Variants in PKD1L1 observed in about 807,000 individuals in gnomAD.
The protein encoded by PKD1L1 is polycystin 1 like 1, transient receptor potential channel interacting.
A neutral mutation model predicts 323.4 loss-of-function variants in PKD1L1; 236 were observed. The ratio of observed to expected loss-of-function variants is 0.73; its 90% CI spans 0.66 to 0.81. The LOEUF is 0.81. Ranked by LOEUF, PKD1L1 falls within the 40% of genes least tolerant of loss-of-function variation. The pLI is 0.00. For synonymous variants in PKD1L1, 1,344 were observed against 1,335.0 expected, an observed-to-expected ratio of 1.01 and a Z score of -0.15; for missense variants, 3,320 against 3,508.0, an observed-to-expected ratio of 0.95 and a Z score of 1.35.
At chr7:47,835,452 G>C (rs1449102796) in intron 37 of PKD1L1, among the ~76,000 whole-genome samples, 1 of 152,184 alleles carries the variant, frequency 6.6e-6, no homozygotes, top group Admixed American at 6.5e-5. Context: ...CCAGCCTGGA[G>C]TGCAGTGGCA....
intron 34 of PKD1L1, 123 bp downstream of exon 34, chr7:47,842,839 T>C: frequency 1.1e-6 from 1 of 937,508 alleles, no homozygotes; most frequent in South Asian, 1.7e-5. Context: ...AAGCTTTGCC[T>C]CAGCAATGAG....
Position 47,907,730 on chromosome 7 carries a change from G to C in PKD1L1, c.1402+347C>G, listed in dbSNP as rs377164863. Among the ~76,000 whole-genome samples, 8 of 152,242 alleles carry C rather than the reference G, an allele frequency of 5.3e-5. No homozygotes were observed. In the East Asian group the frequency reaches 1.5e-3, roughly 29 times the overall value. On this transcript the variant is annotated intron_variant, in intron 9 of 56. Coordinates refer to ENST00000289672, the MANE Select transcript of PKD1L1 (RefSeq NM_138295.5). ...CCAGCTCCCACCTCAGATGTGCCCT[G>C]TCCCCACAGTTAGATAAAGTTCCTA...
chr7:47,924,709 T>C (rs886658859), intron 7 of PKD1L1, among the ~76,000 whole-genome samples: 2 of 152,230 alleles, frequency 1.3e-5, no homozygotes, highest in African/African-American at 4.8e-5. Context: ...CATAGTTATC[T>C]TGGCCTCTGC....
intron 19 of PKD1L1, 72 bp from the exon 20 acceptor site, chr7:47,882,157 A>C: frequency 6.8e-7 from 1 of 1,464,042 alleles, no homozygotes; most frequent in South Asian, 1.2e-5. Context: ...TTAGTGATTC[A>C]ATGCTGATAT....
At chr7:47,865,082 A>C (rs916309363) in intron 26 of PKD1L1, 134 bp downstream of exon 26, 2 of 693,884 alleles carry the variant, frequency 2.9e-6, no homozygotes, top group African/African-American at 3.6e-5. Flanking sequence ...ATTCAGATGA[A>C]TTCTTAAGGG....
intron 15 of PKD1L1, among the ~76,000 whole-genome samples, chr7:47,893,367 G>A (rs1562977016): frequency 6.6e-6 from 1 of 152,062 alleles, no homozygotes; most frequent in South Asian, 2.1e-4. Flanking sequence ...TAGGGACGCC[G>A]GGACTCACAG....
rs1356974042 is a variant in PKD1L1 at position 47,942,676 on chromosome 7, AC to A, written c.160+719del. On this transcript the variant is annotated intron_variant, in intron 2 of 56. Transcript: ENST00000289672. ...CTCTGTGTTAAGGACGAGGAGGAAA[AC>A]CCCACACCTGTGGCCATGCAGACAC... is the stretch of plus-strand genomic sequence containing the variant. Among the ~76,000 whole-genome samples the A allele has an allele frequency of 4.6e-5, 7 of 152,008 alleles. No individual in the cohort carries two copies. The East Asian group carries it at 1.4e-3, about 30-fold the overall frequency.
intron 30 of PKD1L1, among the ~76,000 whole-genome samples, chr7:47,854,305 C>T (rs1562959791): frequency 6.6e-6 from 1 of 152,122 alleles, no homozygotes; most frequent in African/African-American, 2.4e-5. Flanking sequence ...CACACGGGGA[C>T]TCCGAGAAGG....
At chr7:47,805,429 A>G (rs1198116351) in intron 52 of PKD1L1, among the ~76,000 whole-genome samples, 2 of 152,272 alleles carry the variant, frequency 1.3e-5, no homozygotes, top group Non-Finnish European at 2.9e-5. Flanking sequence ...GTCTCTACAG[A>G]GAATAATTTG....
chr7:47,840,472 G>A lies in PKD1L1; in HGVS notation c.5541C>T (p.Thr1847=). The A allele has an allele frequency of 6.2e-7, 1 of 1,613,014 alleles. No homozygotes were observed. The highest frequency in any genetic ancestry group is 8.5e-7 in the Non-Finnish European group (1 of 1,179,028). Residue 1847 remains threonine (T), a synonymous_variant, in exon 35 of 57, where the codon ACC becomes ACT. Transcript: ENST00000289672. The surrounding 1 kb of genome is among the most constrained non-coding windows in gnomAD (Gnocchi z 4.1). ...KPLFERNSRH[T]FILSAPAQLG... is the part of the protein sequence containing the mutation. ...ATATTTTGGAATACCTCAGGATAAA[G>A]GTGTGTCTGGAATTCCTTTCAAACA...
In PKD1L1 at chr7:47,856,710, T is replaced by G. The variant is rs1425541358; in HGVS notation, c.4590+895A>C. Among the ~76,000 whole-genome samples the G allele has an allele frequency of 2.0e-5, 3 of 152,198 alleles. No homozygotes were observed. The East Asian group carries it at 5.8e-4, about 29-fold the overall frequency. Reference sequence around the variant, plus strand: ...TGTAAGGTAAAAAAATCATTTTAATTTGTGTTTTTTATTGATTGTTAGTTT... The same window carrying G: ...TGTAAGGTAAAAAAATCATTTTAATGTGTGTTTTTTATTGATTGTTAGTTT... On this transcript the variant is annotated intron_variant, in intron 28 of 56. Transcript: ENST00000289672.
chr7:47,783,285 T>C (rs1786735855), intron 56 of PKD1L1, among the ~76,000 whole-genome samples: 1 of 152,058 alleles, frequency 6.6e-6, no homozygotes, highest in Non-Finnish European at 1.5e-5. Context: ...AATCAACATG[T>C]ACTAACATAC....
chr7:47,939,762 TC>T (rs1016148838), intron 3 of PKD1L1, among the ~76,000 whole-genome samples: 7 of 151,752 alleles, frequency 4.6e-5, no homozygotes, highest in Non-Finnish European at 7.4e-5. Context: ...TCGGGGCAGC[TC>T]CCACTCCCCA....
intron 26 of PKD1L1, among the ~76,000 whole-genome samples, chr7:47,863,157 G>C (rs1786069500): frequency 6.6e-6 from 1 of 152,156 alleles, no homozygotes; most frequent in Non-Finnish European, 1.5e-5. Context: ...AAGGACTCCG[G>C]TGACACCTGG....
rs1307298803 is a variant in PKD1L1, at chr7:47,803,240, G to C, written c.7932C>G (p.Arg2644=). The C allele has an allele frequency of 1.2e-6, 2 of 1,614,114 alleles. No individual in the cohort carries two copies. The highest frequency in any genetic ancestry group is 2.7e-5 in the African/African-American group (2 of 75,010). The change falls in exon 53 of 57, where the codon CGC becomes CGG. Residue 2644 remains arginine, a synonymous_variant. Coordinates refer to ENST00000289672, the MANE Select transcript of PKD1L1 (RefSeq NM_138295.5). ...CTACAAAGATGCTGGGGAGTGAGTG[G>C]CGCATCATGGAGGAGCAGGATGCCA... ...NTMASCSSMM[R]HSLPSIFVAG... is the part of the protein sequence containing the mutation.
chr7:47,857,729 A>G lies in PKD1L1; in HGVS notation c.4466T>C (p.Val1489Ala). 6.2e-7 allele frequency: 1 copy of G among 1,614,070 alleles called. No homozygotes were observed. Residue 1489 changes from valine (V) to alanine (A), a missense_variant, in exon 28 of 57, where the codon GTG becomes GCG. By Grantham distance (64) the Val-to-Ala change is moderately conservative (BLOSUM62 0). Transcript: ENST00000289672. Reference sequence around the variant, plus strand: ...CCCAGCAAGGTCACCAGGTAAATGCACCTGGACAGATCCCAGGCTCTGGAC... The same window carrying G: ...CCCAGCAAGGTCACCAGGTAAATGCGCCTGGACAGATCCCAGGCTCTGGAC... ...SSVQSLGSVQVHLPGDLAGHS... is the reference protein window; with the variant it reads ...SSVQSLGSVQAHLPGDLAGHS...
chr7:47,893,103 A>G (rs1786856997), intron 15 of PKD1L1, among the ~76,000 whole-genome samples: 1 of 151,832 alleles, frequency 6.6e-6, no homozygotes, highest in Non-Finnish European at 1.5e-5. Context: ...GGTGGCGCGC[A>G]TCTGTAGTCT....
intron 46 of PKD1L1, among the ~76,000 whole-genome samples, chr7:47,817,383 C>T (rs779169259): frequency 6.6e-6 from 1 of 152,108 alleles, no homozygotes; most frequent in Non-Finnish European, 1.5e-5. Context: ...AGGTGTAGAA[C>T]GGACACTCCA....
At chr7:47,815,303 A>G (rs1274788790) in intron 47 of PKD1L1, 31 bp downstream of exon 47, 2 of 1,604,580 alleles carry the variant, frequency 1.2e-6, no homozygotes, top group Non-Finnish European at 8.5e-7. Flanking sequence ...TTCTGAGATG[A>G]TCTCCTATGA....
Sources: gnomAD v4.1 joint callset for allele counts (sites outside exome capture counted in the v4.1 genomes callset) on GRCh38, gnomAD v4.1.1 for gene constraint, Gnocchi (gnomAD v3.1) non-coding constraint, MANE v1.5 for transcripts, NCBI Gene and HGNC (gene_info 2026-07-23, HGNC 2026-07-21) for gene names.